NFKB1: variants seen among roughly 807,000 people sequenced by gnomAD.
The protein encoded by NFKB1 is nuclear factor kappa B subunit 1, also known as nuclear factor NF-kappa-B p105 subunit.
Under a neutral mutation model 105.1 loss-of-function variants are expected in NFKB1, and 9 were observed. That is an observed-to-expected ratio of 0.09 (90% CI 0.05 to 0.15). The LOEUF is 0.15. NFKB1 is among the 10% of genes least tolerant of loss of function. NFKB1 has a pLI of 1.00. For missense variants in NFKB1, 830 were observed against 1,203.7 expected, an observed-to-expected ratio of 0.69 and a Z score of 4.59; for synonymous variants, 440 against 442.2, an observed-to-expected ratio of 1.00 and a Z score of 0.06.
intron 1 of NFKB1, among the ~76,000 whole-genome samples, chr4:102,524,275 T>C (rs1250795671): frequency 2.6e-5 from 4 of 152,220 alleles, no homozygotes; most frequent in Admixed American, 1.3e-4. Context: ...GGCCTCTGGG[T>C]AATAGAAGAT....
chr4:102,608,479 C>T lies in NFKB1; in HGVS notation c.2227+728C>T, dbSNP rs577964743. Among the ~76,000 whole-genome samples, 17 of 152,288 alleles carry T rather than the reference C, an allele frequency of 1.1e-4. 1 individual carries two copies. The South Asian group carries it at 3.5e-3, about 32-fold the overall frequency. Reference sequence around the variant, plus strand: ...ATTCTCTGTACTATGTTTCTCTCTCCTATTTTGCTCATAGGTTTGCAGATG... The same window carrying T: ...ATTCTCTGTACTATGTTTCTCTCTCTTATTTTGCTCATAGGTTTGCAGATG... On this transcript the variant is annotated intron_variant, in intron 19 of 23. Coordinates refer to ENST00000226574, the MANE Select transcript of NFKB1 (RefSeq NM_003998.4).
chr4:102,607,217 T>G lies in NFKB1; in HGVS notation c.2022T>G (p.Ala674=). ...SLPCLLLLVA[A]GADVNAQEQK... is the part of the protein sequence containing the mutation. ...CATGTTTGCTGCTGCTGGTGGCCGC[T>G]GGGGCTGACGTCAATGCTCAGGAGC... Residue 674 remains alanine (A), a synonymous_variant, in exon 18 of 24, where the codon GCT becomes GCG. Transcript: ENST00000226574. The G allele has an allele frequency of 6.2e-7, 1 of 1,614,168 alleles. No homozygotes were observed. Among genetic ancestry groups the G allele is most frequent in the Non-Finnish European group, 8.5e-7 (1 of 1,180,030 alleles).
intron 11 of NFKB1, among the ~76,000 whole-genome samples, chr4:102,592,596 C>G (rs1294362193): frequency 6.6e-6 from 1 of 152,178 alleles, no homozygotes; most frequent in East Asian, 1.9e-4. Flanking sequence ...CTGTTGCACA[C>G]TTAATAGCCT....
At chr4:102,577,725 C>A in intron 7 of NFKB1, 1 of 667,608 alleles carries the variant, frequency 1.5e-6, no homozygotes, top group Non-Finnish European at 1.9e-6. Flanking sequence ...TACCCAGACT[C>A]AAAACCTTCC....
intron 6 of NFKB1, 120 bp from the exon 7 acceptor site, chr4:102,576,756 G>A (rs1172729580): frequency 3.8e-6 from 4 of 1,059,002 alleles, no homozygotes; most frequent in African/African-American, 3.2e-5. Context: ...CAAGAGATTT[G>A]TATAAAGCAT....
chr4:102,561,349 T>C (rs1252509200), intron 5 of NFKB1, among the ~76,000 whole-genome samples: 2 of 151,556 alleles, frequency 1.3e-5, no homozygotes, highest in Non-Finnish European at 2.9e-5. Flanking sequence ...CATGGTTTCA[T>C]GTCTGTGGCA....
chr4:102,577,005 G>A lies in NFKB1; in HGVS notation c.537G>A (p.Leu179=). The change falls in exon 7 of 24, where the codon TTG becomes TTA. Residue 179 remains leucine, a synonymous_variant. Coordinates refer to ENST00000226574, the MANE Select transcript of NFKB1 (RefSeq NM_003998.4). ...GLLVHPDLAY[L]QAEGGGDRQL... ...TGGTGCACCCTGACCTTGCCTATTT[G>A]CAAGCAGAAGGTGGAGGGGACCGGC... 1 of 1,613,150 alleles carries A rather than the reference G, an allele frequency of 6.2e-7. No individual in the cohort carries two copies. The highest frequency in any genetic ancestry group is 8.5e-7 in the Non-Finnish European group (1 of 1,179,738).
intron 10 of NFKB1, among the ~76,000 whole-genome samples, chr4:102,584,369 A>G (rs1251078526): frequency 6.6e-6 from 1 of 152,210 alleles, no homozygotes; most frequent in Non-Finnish European, 1.5e-5. Flanking sequence ...AAGAGAAGAA[A>G]GTATATGCAG....
At chr4:102,531,538 T>C (rs1741290699) in intron 3 of NFKB1, among the ~76,000 whole-genome samples, 1 of 152,182 alleles carries the variant, frequency 6.6e-6, no homozygotes, top group Non-Finnish European at 1.5e-5. Context: ...CTAAAACCTT[T>C]AGTAGATCTA....
At chr4:102,549,636 T>A (rs1201165231) in intron 5 of NFKB1, among the ~76,000 whole-genome samples, 6 of 152,070 alleles carry the variant, frequency 3.9e-5, no homozygotes, top group Admixed American at 3.9e-4. Flanking sequence ...GCCACTTGTT[T>A]GACATTGCCA....
chr4:102,565,933 C>T (rs1723829666), intron 5 of NFKB1, among the ~76,000 whole-genome samples: 1 of 152,140 alleles, frequency 6.6e-6, no homozygotes, highest in Non-Finnish European at 1.5e-5. Flanking sequence ...CCAGAAAACC[C>T]CTCAGTCCTA....
chr4:102,549,332 T>G (rs1296975485), intron 5 of NFKB1, among the ~76,000 whole-genome samples: 4 of 149,958 alleles, frequency 2.7e-5, no homozygotes, highest in Non-Finnish European at 5.9e-5. Flanking sequence ...TCTCATGGTG[T>G]TGTTTTATAT....
intron 5 of NFKB1, among the ~76,000 whole-genome samples, chr4:102,561,315 C>G (rs921019830): frequency 2.1e-5 from 3 of 145,338 alleles, no homozygotes; most frequent in Admixed American, 1.4e-4. Flanking sequence ...ATCTGACTTG[C>G]AACCTCACAG....
chr4:102,541,039 C>A (rs764192648), intron 5 of NFKB1, among the ~76,000 whole-genome samples: 1 of 152,136 alleles, frequency 6.6e-6, no homozygotes, highest in African/African-American at 2.4e-5. Flanking sequence ...TCTAAAGTTT[C>A]TCAAACTTGG....
chr4:102,558,619 A>T (rs1352398983), intron 5 of NFKB1, among the ~76,000 whole-genome samples: 1 of 152,208 alleles, frequency 6.6e-6, no homozygotes, highest in Admixed American at 6.5e-5. Context: ...CACTGAGGAT[A>T]CAGCAGAGAA....
Position 102,523,846 on chromosome 4 carries a change from C to G in NFKB1, c.-7-1666C>G, listed in dbSNP as rs1029259511. Among the ~76,000 whole-genome samples, 26 of 152,162 alleles carry G rather than the reference C, an allele frequency of 1.7e-4. 1 individual carries two copies. The highest frequency in any genetic ancestry group is 1.5e-5 in the Non-Finnish European group (1 of 68,028). On this transcript the variant is annotated intron_variant, in intron 1 of 23. Coordinates refer to ENST00000226574, the MANE Select transcript of NFKB1 (RefSeq NM_003998.4). The stretch of plus-strand genomic sequence containing the variant: ...GGTATGCAAGAGTTCTGACATTGCA[C>G]TGGTGAGCATTTGGTCAGATGGCCA...
rs7654805 is a variant in NFKB1 at position 102,532,112 on chromosome 4, T to C, written c.119-1733T>C. Among the ~76,000 whole-genome samples the C allele has an allele frequency of 2.3e-3, 357 of 152,316 alleles. 1 individual carries two copies. The highest frequency in any genetic ancestry group is 8.4e-3 in the African/African-American group (350 of 41,558). ...TTATGATTATGTTTCTAAAAGTAAT[T>C]TAAAATGTCCAGGGGTGAATTTCAT... On this transcript the variant is annotated intron_variant, in intron 3 of 23. Coordinates refer to ENST00000226574, the MANE Select transcript of NFKB1 (RefSeq NM_003998.4).
At chr4:102,537,265 T>C (rs1741703932) in intron 4 of NFKB1, among the ~76,000 whole-genome samples, 1 of 152,202 alleles carries the variant, frequency 6.6e-6, no homozygotes, top group African/African-American at 2.4e-5. Flanking sequence ...TATTCAATCT[T>C]GAGCTTGACC....
intron 11 of NFKB1, among the ~76,000 whole-genome samples, chr4:102,589,404 A>G (rs1410209254): frequency 6.6e-6 from 1 of 152,212 alleles, no homozygotes; most frequent in Admixed American, 6.5e-5. Flanking sequence ...TAAGTAAGTC[A>G]AAGTTTCTCC....
Sources: gnomAD v4.1 joint callset for allele counts (sites outside exome capture counted in the v4.1 genomes callset) on GRCh38, gnomAD v4.1.1 for gene constraint, MANE v1.5 for transcripts, NCBI Gene and HGNC (gene_info 2026-07-23, HGNC 2026-07-21) for gene names.